Variants in ARHGAP15 observed in about 807,000 individuals in gnomAD.
The protein encoded by ARHGAP15 is rho GTPase-activating protein 15.
Under a neutral mutation model 63.7 loss-of-function variants are expected in ARHGAP15, and 51 were observed. The ratio of observed to expected loss-of-function variants is 0.80; its 90% CI spans 0.64 to 1.01. ARHGAP15 has a LOEUF of 1.01. Among genes scored for constraint, ARHGAP15 ranks in the 50% least tolerant of loss-of-function variants. The pLI is 0.00. For synonymous variants in ARHGAP15, 191 were observed against 193.8 expected, an observed-to-expected ratio of 0.99 and a Z score of 0.12; for missense variants, 560 against 564.6, an observed-to-expected ratio of 0.99 and a Z score of 0.08.
chr2:143,761,754 T>C (rs1054344986), intron 13 of ARHGAP15, among the ~76,000 whole-genome samples: 9 of 152,142 alleles, frequency 5.9e-5, no homozygotes, highest in Non-Finnish European at 8.8e-5. Context: ...CCAACATCTG[T>C]AGCACTGGAT....
chr2:143,630,296 T>C (rs1405993111), intron 12 of ARHGAP15, among the ~76,000 whole-genome samples: 3 of 152,086 alleles, frequency 2.0e-5, no homozygotes. Context: ...GCTCAATATC[T>C]CCTTTTGAAA....
intron 6 of ARHGAP15, among the ~76,000 whole-genome samples, chr2:143,417,007 C>A (rs771634092): frequency 2.6e-5 from 4 of 152,062 alleles, no homozygotes; most frequent in African/African-American, 4.8e-5. Context: ...AGGGATTCTG[C>A]GAAGTCTCTG....
chr2:143,318,516 T>TTC (rs1224887410), intron 6 of ARHGAP15, among the ~76,000 whole-genome samples: 5 of 120,240 alleles, frequency 4.2e-5, no homozygotes, highest in Non-Finnish European at 8.5e-5. Flanking sequence ...GGCCTTTTTT[T>TTC]TTTTTTTTTT....
At chr2:143,284,518 TATAA>T (rs996566608) in intron 6 of ARHGAP15, among the ~76,000 whole-genome samples, 41 of 152,268 alleles carry the variant, frequency 2.7e-4, no homozygotes, top group African/African-American at 9.9e-4. Context: ...TTGGAAAATA[TATAA>T]ATAAATAAAA....
intron 3 of ARHGAP15, among the ~76,000 whole-genome samples, chr2:143,208,155 C>T (rs1258951989): frequency 1.3e-5 from 2 of 152,158 alleles, no homozygotes; most frequent in East Asian, 3.9e-4. Context: ...CTGTATGGAT[C>T]TTCAGGCTTA....
intron 10 of ARHGAP15, among the ~76,000 whole-genome samples, chr2:143,537,559 A>G (rs1187256064): frequency 2.6e-5 from 4 of 152,130 alleles, no homozygotes; most frequent in African/African-American, 9.7e-5. Flanking sequence ...TTTTGTATAA[A>G]GTGTAAGGAG....
chr2:143,135,431 A>T (rs780918053), intron 1 of ARHGAP15, among the ~76,000 whole-genome samples: 14 of 152,202 alleles, frequency 9.2e-5, no homozygotes, highest in Non-Finnish European at 2.1e-4. Context: ...ATGTTGTCCT[A>T]AGGATTGCTG....
At chr2:143,764,762 C>T (rs779070279) in intron 13 of ARHGAP15, among the ~76,000 whole-genome samples, 3 of 152,172 alleles carry the variant, frequency 2.0e-5, no homozygotes, top group African/African-American at 2.4e-5. Context: ...ATCTCACTGT[C>T]TCTGCACCAA....
In ARHGAP15 at chr2:143,600,128, T is replaced by C. The variant is rs576760138; in HGVS notation, c.1004-24005T>C. On this transcript the variant is annotated intron_variant, in intron 11 of 13. Coordinates refer to ENST00000295095, the MANE Select transcript of ARHGAP15 (RefSeq NM_018460.4). Reference sequence around the variant, plus strand: ...GAAGTTATTTACTTAAAATTTTTCTTGTCGGCCTGATTTGGCTATATTTTC... The same window carrying C: ...GAAGTTATTTACTTAAAATTTTTCTCGTCGGCCTGATTTGGCTATATTTTC... 2.7e-4 allele frequency among the ~76,000 whole-genome samples: 41 copies of C among 152,302 alleles called. 1 individual carries two copies. The South Asian group carries it at 8.1e-3, about 30-fold the overall frequency.
At chr2:143,725,449 A>C (rs965618682) in intron 13 of ARHGAP15, among the ~76,000 whole-genome samples, 8 of 152,252 alleles carry the variant, frequency 5.3e-5, no homozygotes, top group African/African-American at 1.9e-4. Flanking sequence ...ATTCATTATG[A>C]TTTTAACATT....
chr2:143,277,290 CA>C (rs1681607240), intron 6 of ARHGAP15, among the ~76,000 whole-genome samples: 1 of 151,634 alleles, frequency 6.6e-6, no homozygotes. Flanking sequence ...CATTACGTAT[CA>C]TTTGTTTCTT....
chr2:143,429,429 T>C (rs1689288954), intron 6 of ARHGAP15, among the ~76,000 whole-genome samples: 1 of 152,200 alleles, frequency 6.6e-6, no homozygotes, highest in Admixed American at 6.6e-5. Flanking sequence ...AAAGCATTGT[T>C]TCTTGAAAGG....
At chr2:143,395,870 C>G (rs1419058516) in intron 6 of ARHGAP15, among the ~76,000 whole-genome samples, 1 of 151,910 alleles carries the variant, frequency 6.6e-6, no homozygotes, top group African/African-American at 2.4e-5. Flanking sequence ...TCACTTTTAT[C>G]TATGAACAGT....
chr2:143,305,836 CTG>C (rs1408495468), intron 6 of ARHGAP15, among the ~76,000 whole-genome samples: 1 of 151,976 alleles, frequency 6.6e-6, no homozygotes, highest in African/African-American at 2.4e-5. Flanking sequence ...ATTTTAGCAA[CTG>C]TTGTAAACAA....
chr2:143,484,315 G>C (rs894342854), intron 8 of ARHGAP15, among the ~76,000 whole-genome samples: 1 of 147,948 alleles, frequency 6.8e-6, no homozygotes, highest in Non-Finnish European at 1.5e-5. Context: ...GCAGTGAGCC[G>C]AGATCGCACC....
chr2:143,449,069 A>G (rs1232687506), intron 8 of ARHGAP15, among the ~76,000 whole-genome samples: 2 of 151,974 alleles, frequency 1.3e-5, no homozygotes, highest in African/African-American at 2.4e-5. Flanking sequence ...AATCTCATCA[A>G]TCCCTTCCAA....
intron 10 of ARHGAP15, among the ~76,000 whole-genome samples, chr2:143,543,031 C>T (rs1239176107): frequency 6.6e-6 from 1 of 151,248 alleles, no homozygotes; most frequent in East Asian, 1.9e-4. Context: ...TTTTGATATA[C>T]TGATTTTATT....
chr2:143,636,298 T>C (rs1314670998), intron 12 of ARHGAP15, among the ~76,000 whole-genome samples: 1 of 152,192 alleles, frequency 6.6e-6, no homozygotes, highest in African/African-American at 2.4e-5. Flanking sequence ...TGACACCTTG[T>C]GTGTATTATT....
chr2:143,436,237 C>T (rs1284722064), intron 7 of ARHGAP15, among the ~76,000 whole-genome samples: 1 of 152,122 alleles, frequency 6.6e-6, no homozygotes, highest in Non-Finnish European at 1.5e-5. Context: ...TTTAAAACCA[C>T]TCATTCCATG....
Sources: allele counts gnomAD v4.1 joint callset (sites outside exome capture counted in the v4.1 genomes callset), GRCh38; gene constraint gnomAD v4.1.1; transcripts MANE v1.5; gene names NCBI Gene and HGNC (gene_info 2026-07-23, HGNC 2026-07-21).